Variants in PIK3C2G observed in about 807,000 individuals in gnomAD.
PIK3C2G encodes the protein phosphatidylinositol 3-kinase C2 domain-containing subunit gamma.
In PIK3C2G, 168 loss-of-function variants were observed where a neutral mutation model predicts 181.1. The observed-to-expected ratio is 0.93, with a 90% confidence interval of 0.82 to 1.05. PIK3C2G has a LOEUF of 1.05. PIK3C2G is among the 50% of genes least tolerant of loss of function. The probability of loss-of-function intolerance (pLI) is 0.00; values close to 1 mark genes in which losing one functional copy is unlikely to be tolerated. For synonymous variants in PIK3C2G, 573 were observed against 592.2 expected, an observed-to-expected ratio of 0.97 and a Z score of 0.47; for missense variants, 1,869 against 1,732.8, an observed-to-expected ratio of 1.08 and a Z score of -1.40.
intron 18 of PIK3C2G, among the ~76,000 whole-genome samples, chr12:18,431,970 A>G (rs752389386): frequency 6.6e-6 from 1 of 152,198 alleles, no homozygotes; most frequent in Admixed American, 6.5e-5. Flanking sequence ...TAGTGGTAAC[A>G]AGGTTTCCTT....
At chr12:18,684,295 A>G in the PIK3C2G span, 1 of 1,588,982 alleles carries the variant, frequency 6.3e-7, no homozygotes, top group Non-Finnish European at 8.6e-7. Flanking sequence ...ATATAAAAAA[A>G]GAAGATACAA....
At chr12:18,310,533 G>A (rs534619569) in intron 5 of PIK3C2G, among the ~76,000 whole-genome samples, 5 of 152,038 alleles carry the variant, frequency 3.3e-5, no homozygotes, top group African/African-American at 1.2e-4. Context: ...AAGGTTCTAA[G>A]AGAGAACTGA....
chr12:18,501,312 A>T (rs541064074), intron 22 of PIK3C2G, among the ~76,000 whole-genome samples: 1 of 152,080 alleles, frequency 6.6e-6, no homozygotes, highest in Non-Finnish European at 1.5e-5. Context: ...AGGTGGCAGG[A>T]AAAAAAGGGG....
rs1393515663 is a variant in PIK3C2G at position 18,464,641 on chromosome 12, T to G, written c.2505-23808T>G. 2.0e-5 allele frequency among the ~76,000 whole-genome samples: 3 copies of G among 152,096 alleles called. No homozygotes were observed. The East Asian group carries it at 5.8e-4, about 29-fold the overall frequency. On this transcript the variant is annotated intron_variant, in intron 18 of 32. Transcript: ENST00000538779. ...TTTGTATGACCTTATCACTAATGTTTACACCCTTACAAAAATATATTATTT... is the reference window on the plus strand; with the variant it reads ...TTTGTATGACCTTATCACTAATGTTGACACCCTTACAAAAATATATTATTT...
At position 18,304,676 on chromosome 12, in the gene PIK3C2G, T is replaced by A. The variant is rs186857203; in HGVS notation, c.1035-9286T>A. Among the ~76,000 whole-genome samples, 661 of 152,346 alleles carry A rather than the reference T, an allele frequency of 4.3e-3. 5 individuals carry two copies. Among genetic ancestry groups the A allele is most frequent in the Middle Eastern group, 0.017 (5 of 294 alleles). ...AAAGGCTAAGTCATAATATATACAGTTTTAAGTAATAGATTACATTCATTA... is the reference window on the plus strand; with the variant it reads ...AAAGGCTAAGTCATAATATATACAGATTTAAGTAATAGATTACATTCATTA... On this transcript the variant is annotated intron_variant, in intron 5 of 32. Transcript: ENST00000538779.
At chr12:18,570,253 C>T (rs904838661) in intron 29 of PIK3C2G, among the ~76,000 whole-genome samples, 3 of 151,592 alleles carry the variant, frequency 2.0e-5, no homozygotes, top group Non-Finnish European at 4.4e-5. Flanking sequence ...TCGTCACCCA[C>T]GCTGGAGTGC....
chr12:18,308,622 T>C (rs1486847162), intron 5 of PIK3C2G, among the ~76,000 whole-genome samples: 1 of 151,702 alleles, frequency 6.6e-6, no homozygotes, highest in Non-Finnish European at 1.5e-5. Context: ...GAATTCATTG[T>C]TTGTTCTAGA....
Position 18,340,883 on chromosome 12 carries a change from C to T in PIK3C2G, c.1395+2335C>T, listed in dbSNP as rs576968930. Among the ~76,000 whole-genome samples the T allele has an allele frequency of 3.6e-4, 55 of 152,130 alleles. No individual in the cohort carries two copies. The Middle Eastern group carries it at 0.017, about 47-fold the overall frequency. ...TAGTTCTGGAGAATCTTTCCCACAA[C>T]GCCAATATGAAGGCTTTAATTCACA... On this transcript the variant is annotated intron_variant, in intron 9 of 32. Coordinates refer to ENST00000538779, the MANE Select transcript of PIK3C2G (RefSeq NM_001288772.2).
intron 24 of PIK3C2G, among the ~76,000 whole-genome samples, chr12:18,534,851 G>T (rs1309702398): frequency 6.7e-6 from 1 of 149,954 alleles, no homozygotes; most frequent in Non-Finnish European, 1.5e-5. Context: ...ATGAATAAAA[G>T]GTACAGAAGC....
At chr12:18,548,553 C>T (rs1248332957) in intron 26 of PIK3C2G, among the ~76,000 whole-genome samples, 4 of 151,944 alleles carry the variant, frequency 2.6e-5, no homozygotes, top group Admixed American at 6.6e-5. Flanking sequence ...CCTACGGTGA[C>T]CTATCTCCCC....
chr12:18,563,598 T>A, intron 28 of PIK3C2G, 100 bp downstream of exon 28: 1 of 1,083,828 alleles, frequency 9.2e-7, no homozygotes, highest in East Asian at 2.4e-5. Context: ...AGAAACACAG[T>A]ATTCTGACTC....
chr12:18,466,660 C>A (rs1198398891), intron 18 of PIK3C2G, among the ~76,000 whole-genome samples: 1 of 151,826 alleles, frequency 6.6e-6, no homozygotes, highest in Non-Finnish European at 1.5e-5. Flanking sequence ...TGTCAGATGG[C>A]ATAATGACTA....
At chr12:18,549,633 T>C (rs954383625) in intron 26 of PIK3C2G, among the ~76,000 whole-genome samples, 2 of 152,088 alleles carry the variant, frequency 1.3e-5, no homozygotes, top group African/African-American at 2.4e-5. Context: ...GACCACAGTC[T>C]TCTCAAGGTT....
intron 3 of PIK3C2G, among the ~76,000 whole-genome samples, chr12:18,290,642 T>C (rs1001160643): frequency 3.3e-5 from 5 of 152,184 alleles, no homozygotes; most frequent in African/African-American, 7.2e-5. Context: ...AGAACAGTCC[T>C]TTACACTTGT....
At chr12:18,705,182 G>C in the PIK3C2G span, 1 of 1,614,044 alleles carries the variant, frequency 6.2e-7, no homozygotes, top group Non-Finnish European at 8.5e-7. Flanking sequence ...TGATGGTAGA[G>C]TATCAGGAAA....
intron 22 of PIK3C2G, 107 bp from the exon 23 acceptor site, chr12:18,503,174 G>A (rs1941608929): frequency 5.8e-6 from 4 of 693,952 alleles, no homozygotes; most frequent in Admixed American, 3.4e-5. Flanking sequence ...ATTTGAAAAG[G>A]AAAGGGGTAA....
chr12:18,584,700 C>G (rs1022942424), intron 29 of PIK3C2G, among the ~76,000 whole-genome samples: 3 of 152,018 alleles, frequency 2.0e-5, no homozygotes, highest in Non-Finnish European at 4.4e-5. Context: ...AGGACCCCTG[C>G]AAGATTCTAC....
intron 18 of PIK3C2G, among the ~76,000 whole-genome samples, chr12:18,433,453 G>A (rs1307014320): frequency 6.6e-6 from 1 of 152,124 alleles, no homozygotes; most frequent in African/African-American, 2.4e-5. Flanking sequence ...TTGAACCCAG[G>A]AGGCGGAGGT....
chr12:18,499,685 G>C (rs1264763872), intron 22 of PIK3C2G, among the ~76,000 whole-genome samples: 1 of 152,214 alleles, frequency 6.6e-6, no homozygotes, highest in Non-Finnish European at 1.5e-5. Flanking sequence ...CTTCCCCGGA[G>C]GTGGAGGAGA....
Sources: allele counts gnomAD v4.1 joint callset (sites outside exome capture counted in the v4.1 genomes callset), GRCh38; gene constraint gnomAD v4.1.1; transcripts MANE v1.5; gene names NCBI Gene and HGNC (gene_info 2026-07-23, HGNC 2026-07-21).